Variants in PTPRO observed in about 807,000 individuals in gnomAD.
The protein encoded by PTPRO is receptor-type tyrosine-protein phosphatase O.
In PTPRO, 62 loss-of-function variants were observed where a neutral mutation model predicts 145.2. That is an observed-to-expected ratio of 0.43 (90% CI 0.35 to 0.53). PTPRO has a LOEUF of 0.53. PTPRO is among the 20% of genes least tolerant of loss of function. PTPRO has a pLI of 0.01. For missense variants in PTPRO, 1,345 were observed against 1,482.7 expected, an observed-to-expected ratio of 0.91 and a Z score of 1.53; for synonymous variants, 565 against 514.7, an observed-to-expected ratio of 1.10 and a Z score of -1.32.
At chr12:15,352,746 A>G (rs1225357804) in intron 1 of PTPRO, among the ~76,000 whole-genome samples, 1 of 151,998 alleles carries the variant, frequency 6.6e-6, no homozygotes, top group African/African-American at 2.4e-5. Context: ...ACAATTTAGG[A>G]TGTGTGGGCC....
intron 15 of PTPRO, among the ~76,000 whole-genome samples, chr12:15,552,681 AAAT>A (rs1943496793): frequency 6.6e-6 from 1 of 152,188 alleles, no homozygotes; most frequent in Non-Finnish European, 1.5e-5. Flanking sequence ...CTGAATGTGA[AAAT>A]AAGCTTCTTG....
chr12:15,401,816 G>T (rs1008898430), intron 1 of PTPRO, among the ~76,000 whole-genome samples: 2 of 152,054 alleles, frequency 1.3e-5, no homozygotes, highest in African/African-American at 4.8e-5. Flanking sequence ...TTTGTATTTT[G>T]CCTGAACATT....
At chr12:15,353,530 T>C (rs1937881712) in intron 1 of PTPRO, among the ~76,000 whole-genome samples, 1 of 152,206 alleles carries the variant, frequency 6.6e-6, no homozygotes, top group Admixed American at 6.5e-5. Context: ...GTTGGATGTC[T>C]AACGAATTCC....
At chr12:15,347,738 A>G (rs1293768800) in intron 1 of PTPRO, among the ~76,000 whole-genome samples, 2 of 152,224 alleles carry the variant, frequency 1.3e-5, no homozygotes, top group Non-Finnish European at 2.9e-5. Flanking sequence ...GCCTTTACTA[A>G]TGTTGATAAT....
At chr12:15,445,558 A>C (rs1940880299) in intron 1 of PTPRO, among the ~76,000 whole-genome samples, 1 of 152,254 alleles carries the variant, frequency 6.6e-6, no homozygotes, top group South Asian at 2.1e-4. Context: ...GAGTGTCATC[A>C]ATTTCATGTG....
chr12:15,361,310 A>T (rs1445352430), intron 1 of PTPRO, among the ~76,000 whole-genome samples: 1 of 151,636 alleles, frequency 6.6e-6, no homozygotes, highest in Non-Finnish European at 1.5e-5. Context: ...GTAGTGGCTC[A>T]TGCCTGTAAT....
At chr12:15,439,157 A>C (rs1283850335) in intron 1 of PTPRO, among the ~76,000 whole-genome samples, 1 of 152,184 alleles carries the variant, frequency 6.6e-6, no homozygotes, top group African/African-American at 2.4e-5. Context: ...CCAACCAAGA[A>C]TTCTATATCT....
chr12:15,587,965 G>A lies in PTPRO; in HGVS notation c.3410+914G>A, dbSNP rs148079426. Among the ~76,000 whole-genome samples the A allele has an allele frequency of 4.1e-3, 629 of 152,320 alleles. 5 individuals are homozygous for A. The highest frequency in any genetic ancestry group is 0.014 in the African/African-American group (592 of 41,566). On this transcript the variant is annotated intron_variant, in intron 24 of 26. Transcript: ENST00000281171. ...GCATTCATGTGTGTTTGTGTGGAGT[G>A]TGTGTCTCCCTGGAAAGGAAAATGC...
intron 1 of PTPRO, among the ~76,000 whole-genome samples, chr12:15,384,165 T>C (rs942657599): frequency 6.6e-6 from 1 of 152,146 alleles, no homozygotes; most frequent in Non-Finnish European, 1.5e-5. Flanking sequence ...TTCTTTGGGA[T>C]CCTCTTGGCC....
chr12:15,499,812 A>C (rs1013293570), intron 4 of PTPRO, among the ~76,000 whole-genome samples: 6 of 152,218 alleles, frequency 3.9e-5, no homozygotes, highest in African/African-American at 1.4e-4. Context: ...TAGATTTCTA[A>C]TCTTTGAATA....
chr12:15,582,610 A>G (rs1177187242), intron 23 of PTPRO, among the ~76,000 whole-genome samples: 1 of 152,238 alleles, frequency 6.6e-6, no homozygotes, highest in African/African-American at 2.4e-5. Context: ...AAGTGTTCTC[A>G]TTACTTATAT....
chr12:15,330,616 T>C (rs1245047169), intron 1 of PTPRO, among the ~76,000 whole-genome samples: 1 of 152,168 alleles, frequency 6.6e-6, no homozygotes, highest in Non-Finnish European at 1.5e-5. Flanking sequence ...TCAAATCATT[T>C]ATTCTCCTAG....
intron 10 of PTPRO, among the ~76,000 whole-genome samples, chr12:15,522,095 TATA>T (rs967437126): frequency 2.0e-5 from 3 of 152,132 alleles, no homozygotes; most frequent in African/African-American, 4.8e-5. Context: ...ATAAAATGGG[TATA>T]ATAATAATAA....
chr12:15,413,365 T>C (rs1218009959), intron 1 of PTPRO, among the ~76,000 whole-genome samples: 1 of 152,206 alleles, frequency 6.6e-6, no homozygotes, highest in African/African-American at 2.4e-5. Flanking sequence ...CTCAAAGCGC[T>C]GGGATTATAG....
At chr12:15,570,736 T>C (rs939766325) in intron 19 of PTPRO, among the ~76,000 whole-genome samples, 18 of 152,330 alleles carry the variant, frequency 1.2e-4, no homozygotes, top group Admixed American at 5.2e-4. Context: ...GGCAAAACTC[T>C]GAAAAAATAA....
At chr12:15,426,376 T>C (rs556491672) in intron 1 of PTPRO, among the ~76,000 whole-genome samples, 1 of 152,044 alleles carries the variant, frequency 6.6e-6, no homozygotes, top group Non-Finnish European at 1.5e-5. Context: ...TATCTCTTCT[T>C]TTGCAATGTT....
intron 15 of PTPRO, among the ~76,000 whole-genome samples, chr12:15,553,007 C>T (rs1474501406): frequency 5.9e-5 from 9 of 151,814 alleles, no homozygotes; most frequent in Non-Finnish European, 1.0e-4. Flanking sequence ...ACCATGTTGG[C>T]CAGGCTTGTC....
At chr12:15,420,748 A>G (rs1261005895) in intron 1 of PTPRO, among the ~76,000 whole-genome samples, 2 of 152,202 alleles carry the variant, frequency 1.3e-5, no homozygotes, top group African/African-American at 4.8e-5. Flanking sequence ...CCTATCTTTC[A>G]GTACTTATTG....
intron 2 of PTPRO, among the ~76,000 whole-genome samples, chr12:15,492,487 C>T (rs1018570127): frequency 6.6e-6 from 1 of 151,952 alleles, no homozygotes; most frequent in Non-Finnish European, 1.5e-5. Flanking sequence ...GCAGGAGGAT[C>T]CCTTGATTCC....
Sources: allele counts gnomAD v4.1 joint callset (sites outside exome capture counted in the v4.1 genomes callset), GRCh38; gene constraint gnomAD v4.1.1; transcripts MANE v1.5; gene names NCBI Gene and HGNC (gene_info 2026-07-23, HGNC 2026-07-21).